Variants in KAT2B observed in about 807,000 individuals in gnomAD.
The protein encoded by KAT2B is lysine acetyltransferase 2B, also known as histone acetyltransferase KAT2B.
A neutral mutation model predicts 105.9 loss-of-function variants in KAT2B; 36 were observed. That is an observed-to-expected ratio of 0.34 (90% CI 0.26 to 0.45). KAT2B has a LOEUF of 0.45. Among genes scored for constraint, KAT2B ranks in the 20% least tolerant of loss-of-function variants. The pLI is 1.00. For synonymous variants in KAT2B, 397 were observed against 377.9 expected, an observed-to-expected ratio of 1.05 and a Z score of -0.59; for missense variants, 820 against 1,021.6, an observed-to-expected ratio of 0.80 and a Z score of 2.69.
intron 2 of KAT2B, among the ~76,000 whole-genome samples, chr3:20,080,856 T>A (rs1441371471): frequency 6.6e-6 from 1 of 152,232 alleles, no homozygotes; most frequent in Non-Finnish European, 1.5e-5. Flanking sequence ...TTGGTATATA[T>A]TAGGTTAAAT....
At chr3:20,110,867 C>G (rs115988847) in intron 5 of KAT2B, among the ~76,000 whole-genome samples, 2 of 152,020 alleles carry the variant, frequency 1.3e-5, no homozygotes, top group Non-Finnish European at 2.9e-5. Flanking sequence ...CCTCCAGCGT[C>G]GTGCAGTGAT....
chr3:20,122,908 A>T (rs1699336465), intron 9 of KAT2B, 104 bp downstream of exon 9: 6 of 1,456,938 alleles, frequency 4.1e-6, no homozygotes, highest in Non-Finnish European at 5.4e-6. Context: ...TTAACATGTT[A>T]TGCTACCCTG....
intron 1 of KAT2B, among the ~76,000 whole-genome samples, chr3:20,047,200 C>T (rs1399173033): frequency 2.6e-5 from 4 of 151,436 alleles, no homozygotes; most frequent in Non-Finnish European, 4.4e-5. Context: ...GCTACTTGGC[C>T]AGGCGCACGT....
At chr3:20,052,662 A>G (rs1382288289) in intron 1 of KAT2B, among the ~76,000 whole-genome samples, 1 of 134,330 alleles carries the variant, frequency 7.4e-6, no homozygotes, top group Non-Finnish European at 1.6e-5. Flanking sequence ...TAAAAAAAAG[A>G]AAAAAAAAAA....
At position 20,126,000 on chromosome 3, in the gene KAT2B, C is replaced by T. The variant is rs1280916478; in HGVS notation, c.1509C>T (p.Leu503=). The part of the protein sequence containing the change: ...VIEFHVVGNS[L]NQKPNKKILM... Reference sequence around the variant, plus strand: ...AATTTCACGTGGTTGGCAATTCCCTCAACCAGAAACCAAACAAGAAGATCC... The same window carrying T: ...AATTTCACGTGGTTGGCAATTCCCTTAACCAGAAACCAAACAAGAAGATCC... Residue 503 remains leucine (L), a synonymous_variant, in exon 10 of 18, where the codon CTC becomes CTT. Transcript: ENST00000263754. 3 of 1,613,944 alleles carry T rather than the reference C, an allele frequency of 1.9e-6. No individual in the cohort carries two copies. The African/African-American group carries it at 4.0e-5, about 22-fold the overall frequency.
At chr3:20,113,369 G>C (rs1191367900) in intron 6 of KAT2B, among the ~76,000 whole-genome samples, 1 of 152,110 alleles carries the variant, frequency 6.6e-6, no homozygotes, top group Non-Finnish European at 1.5e-5. Flanking sequence ...ACCTGTTATG[G>C]TATTTAAAGA....
intron 6 of KAT2B, among the ~76,000 whole-genome samples, chr3:20,112,583 G>A (rs1455344191): frequency 6.6e-6 from 1 of 152,168 alleles, no homozygotes; most frequent in Non-Finnish European, 1.5e-5. Flanking sequence ...CAGTAACAGC[G>A]AGAAATGAAT....
chr3:20,123,157 T>C (rs569625427), intron 9 of KAT2B, among the ~76,000 whole-genome samples: 2 of 152,310 alleles, frequency 1.3e-5, no homozygotes, highest in African/African-American at 4.8e-5. Context: ...CCACATTTGC[T>C]ACCTCTCTTT....
At chr3:20,108,995 G>A (rs933563254) in intron 5 of KAT2B, among the ~76,000 whole-genome samples, 5 of 152,086 alleles carry the variant, frequency 3.3e-5, no homozygotes, top group African/African-American at 1.2e-4. Context: ...AAAAAAGTTG[G>A]GGACCTCTGC....
chr3:20,146,201 A>G (rs1215416653), intron 13 of KAT2B, 115 bp from the exon 14 acceptor site: 3 of 674,356 alleles, frequency 4.4e-6, no homozygotes, highest in South Asian at 1.8e-5. Context: ...CCTTTCTCCC[A>G]TCTTATTTCA....
chr3:20,106,979 G>GTATATATA (rs869172127), intron 5 of KAT2B, among the ~76,000 whole-genome samples: 90 of 33,490 alleles, frequency 2.7e-3, no homozygotes, highest in Non-Finnish European at 4.0e-3. Flanking sequence ...ATATATATAT[G>GTATATATA]TATATATATA....
At chr3:20,114,859 A>T (rs752138277) in intron 6 of KAT2B, 23 bp from the exon 7 acceptor site, 4 of 1,332,626 alleles carry the variant, frequency 3.0e-6, no homozygotes, top group Admixed American at 1.8e-5. Flanking sequence ...TTTTAATCTT[A>T]TTGCTATTAC....
chr3:20,105,069 A>G (rs867567815), intron 5 of KAT2B, among the ~76,000 whole-genome samples: 51 of 152,102 alleles, frequency 3.4e-4, no homozygotes, highest in Middle Eastern at 3.4e-3. Context: ...TATTTTTAGT[A>G]AAGATGGGGT....
chr3:20,133,365 CTTAAA>C (rs1473537493), intron 11 of KAT2B, among the ~76,000 whole-genome samples: 2 of 152,024 alleles, frequency 1.3e-5, no homozygotes, highest in African/African-American at 2.4e-5. Context: ...ATTTAGATAC[CTTAAA>C]TTAAAATGAA....
intron 6 of KAT2B, among the ~76,000 whole-genome samples, chr3:20,114,603 G>T (rs1699174332): frequency 6.6e-6 from 1 of 152,142 alleles, no homozygotes; most frequent in African/African-American, 2.4e-5. Flanking sequence ...GATTCACTGA[G>T]GAAGATTAAT....
At chr3:20,115,012 AGAG>A (rs767729527) in intron 7 of KAT2B, 24 bp downstream of exon 7, 5 of 1,486,696 alleles carry the variant, frequency 3.4e-6, no homozygotes, top group Non-Finnish European at 4.7e-6. Context: ...TACATGAATC[AGAG>A]AACAACCAGG....
intron 13 of KAT2B, among the ~76,000 whole-genome samples, chr3:20,142,613 G>C (rs905514105): frequency 6.6e-6 from 1 of 152,178 alleles, no homozygotes; most frequent in Non-Finnish European, 1.5e-5. Flanking sequence ...GGTGGACCAA[G>C]AGTGGAGAGT....
intron 1 of KAT2B, among the ~76,000 whole-genome samples, chr3:20,069,293 TG>T (rs1698277031): frequency 6.6e-6 from 1 of 152,030 alleles, no homozygotes; most frequent in African/African-American, 2.4e-5. Context: ...CAGCAGATTG[TG>T]GGAAGGCAAG....
At chr3:20,076,713 C>G (rs1698426496) in intron 2 of KAT2B, among the ~76,000 whole-genome samples, 1 of 152,102 alleles carries the variant, frequency 6.6e-6, no homozygotes, top group Non-Finnish European at 1.5e-5. Context: ...TACATTTTTT[C>G]TTATCTTATT....
Sources: allele counts gnomAD v4.1 joint callset (sites outside exome capture counted in the v4.1 genomes callset), GRCh38; gene constraint gnomAD v4.1.1; transcripts MANE v1.5; gene names NCBI Gene and HGNC (gene_info 2026-07-23, HGNC 2026-07-21).